The following GPC5 variants were observed in gnomAD, a reference collection of about 807,000 sequenced individuals.
The protein encoded by GPC5 is glypican 5.
Under a neutral mutation model 53.9 loss-of-function variants are expected in GPC5, and 47 were observed. The observed-to-expected ratio is 0.87, with a 90% CI of 0.69 to 1.11. The LOEUF (loss-of-function observed/expected upper bound fraction) is 1.11, where lower values mean the gene tolerates loss of function less well. Ranked by LOEUF, GPC5 falls within the 50% of genes most tolerant of loss-of-function variation. GPC5 has a pLI of 0.00. For missense variants in GPC5, 748 were observed against 713.1 expected, an observed-to-expected ratio of 1.05 and a Z score of -0.56; for synonymous variants, 286 against 263.3, an observed-to-expected ratio of 1.09 and a Z score of -0.84.
intron 7 of GPC5, among the ~76,000 whole-genome samples, chr13:92,298,515 C>T (rs1260944537): frequency 6.6e-6 from 1 of 152,202 alleles, no homozygotes; most frequent in Admixed American, 6.5e-5. Flanking sequence ...CTTCCTCTAC[C>T]CCTGTGTTTG....
chr13:92,136,494 T>C (rs1350822387), intron 6 of GPC5, among the ~76,000 whole-genome samples: 1 of 152,206 alleles, frequency 6.6e-6, no homozygotes, highest in African/African-American at 2.4e-5. Context: ...CACCTACCTA[T>C]ACTCATTATA....
chr13:91,917,414 G>A (rs746054576), intron 6 of GPC5, among the ~76,000 whole-genome samples: 12 of 152,228 alleles, frequency 7.9e-5, no homozygotes, highest in South Asian at 4.1e-4. Context: ...AGCTGCTTTC[G>A]TGGGCTGGCA....
At chr13:92,500,162 C>T (rs544910259) in intron 7 of GPC5, among the ~76,000 whole-genome samples, 1 of 152,216 alleles carries the variant, frequency 6.6e-6, no homozygotes, top group South Asian at 2.1e-4. Flanking sequence ...GGCTTGAGAA[C>T]TGAGAAAATG....
chr13:91,865,728 C>T (rs1304770296), intron 5 of GPC5, among the ~76,000 whole-genome samples: 1 of 151,856 alleles, frequency 6.6e-6, no homozygotes, highest in Non-Finnish European at 1.5e-5. Context: ...CTTATTCTCT[C>T]TCCTCATTTC....
intron 7 of GPC5, among the ~76,000 whole-genome samples, chr13:92,660,401 A>C (rs1886294608): frequency 6.6e-6 from 1 of 152,044 alleles, no homozygotes. Flanking sequence ...TCTAGAATAA[A>C]CAGCAAGAGG....
In GPC5 at chr13:91,766,715, C is replaced by T. The variant is rs149404141; in HGVS notation, c.1280+10295C>T. ...GTCTCTACTAAAAATACAAAATTAA[C>T]TGTGTGTGGTGGCACATGCCTGTAA... On this transcript the variant is annotated intron_variant, in intron 5 of 7. Transcript: ENST00000377067. 3.9e-3 allele frequency among the ~76,000 whole-genome samples: 596 copies of T among 152,188 alleles called. 6 individuals are homozygous for T. Among genetic ancestry groups the T allele is most frequent in the African/African-American group, 0.014 (568 of 41,528 alleles).
chr13:91,964,398 A>T (rs954932482), intron 6 of GPC5, among the ~76,000 whole-genome samples: 3 of 152,134 alleles, frequency 2.0e-5, no homozygotes, highest in Admixed American at 2.0e-4. Context: ...TTGGTCCATT[A>T]TACAGAGTGC....
rs966611056 is a variant in GPC5 at position 91,820,928 on chromosome 13, A to C, written c.1280+64508A>C. Among the ~76,000 whole-genome samples the C allele has an allele frequency of 4.1e-4, 62 of 151,998 alleles. No individual in the cohort carries two copies. The South Asian group carries it at 5.8e-3, about 14-fold the overall frequency. On this transcript the variant is annotated intron_variant, in intron 5 of 7. Coordinates refer to ENST00000377067, the MANE Select transcript of GPC5 (RefSeq NM_004466.6). ...CAGTGAGCTGAGATCGTGCCACTGC[A>C]CTCCAGCCTGGGTGACAGAGCGAGA...
intron 7 of GPC5, among the ~76,000 whole-genome samples, chr13:92,613,406 A>ATATAAATATATATAT (rs1566320427): frequency 1.6e-5 from 1 of 62,766 alleles, no homozygotes; most frequent in African/African-American, 6.1e-5. Context: ...TATATATTAT[A>ATATAAATATATATAT]TTATATATAA....
intron 5 of GPC5, among the ~76,000 whole-genome samples, chr13:91,806,021 ATTTTTTTTTTTTTTTTTT>A (rs71113764): frequency 2.1e-5 from 1 of 48,610 alleles, no homozygotes; most frequent in South Asian, 1.3e-3. Context: ...AAATACAATA[ATTTTTTTTTTTTTTTTTT>A]TTTTTTTTTT....
At chr13:91,613,690 T>G (rs768485519) in intron 2 of GPC5, among the ~76,000 whole-genome samples, 3 of 152,184 alleles carry the variant, frequency 2.0e-5, no homozygotes, top group Non-Finnish European at 4.4e-5. Context: ...AAAATCAACT[T>G]CGGTATATTG....
intron 7 of GPC5, among the ~76,000 whole-genome samples, chr13:92,684,285 T>C (rs1259362439): frequency 3.3e-5 from 5 of 152,074 alleles, no homozygotes; most frequent in Non-Finnish European, 7.4e-5. Flanking sequence ...TTGTTTTTGT[T>C]TTTGAGACGG....
chr13:91,939,000 C>G (rs1278794370), intron 6 of GPC5, among the ~76,000 whole-genome samples: 1 of 151,920 alleles, frequency 6.6e-6, no homozygotes, highest in Non-Finnish European at 1.5e-5. Context: ...TTTTAAATGA[C>G]TACTGTCATT....
chr13:92,590,260 T>C (rs1344923123), intron 7 of GPC5, among the ~76,000 whole-genome samples: 5 of 151,750 alleles, frequency 3.3e-5, no homozygotes, highest in Non-Finnish European at 5.9e-5. Context: ...CATGGAAGCA[T>C]GCACTTAAGA....
At chr13:92,320,141 T>A (rs1594097905) in intron 7 of GPC5, among the ~76,000 whole-genome samples, 1 of 152,164 alleles carries the variant, frequency 6.6e-6, no homozygotes, top group Admixed American at 6.6e-5. Flanking sequence ...TACATTAGGA[T>A]TAAAAGTACT....
rs531913947 is a variant in GPC5 at position 91,576,474 on chromosome 13, A to G, written c.326-116713A>G. 3.9e-5 allele frequency among the ~76,000 whole-genome samples: 6 copies of G among 152,324 alleles called. No homozygotes were observed. The South Asian group carries it at 1.2e-3, about 32-fold the overall frequency. On this transcript the variant is annotated intron_variant, in intron 2 of 7. Transcript: ENST00000377067. ...ACAACTAAAACAACTTAAAGTAAGT[A>G]TATTGGGAAAAATATACATTGCATC...
chr13:92,312,717 A>G (rs1287727770), intron 7 of GPC5, among the ~76,000 whole-genome samples: 1 of 152,158 alleles, frequency 6.6e-6, no homozygotes, highest in Non-Finnish European at 1.5e-5. Context: ...AAATTAGAAA[A>G]AAAGAATTGT....
intron 7 of GPC5, among the ~76,000 whole-genome samples, chr13:92,695,802 T>A (rs991844399): frequency 6.6e-6 from 1 of 152,052 alleles, no homozygotes; most frequent in Non-Finnish European, 1.5e-5. Flanking sequence ...GTGGCACCTA[T>A]CAACCCATCA....
At position 91,693,806 on chromosome 13, in the gene GPC5, G is replaced by A. The variant is rs1319050536; in HGVS notation, c.945G>A (p.Val315=). The change falls in exon 3 of 8, where the codon GTG becomes GTA. Residue 315 remains valine, a synonymous_variant. Transcript: ENST00000377067. The stretch of plus-strand genomic sequence containing the variant: ...ATGGAACATACGACATTGGACACGT[G>A]CTGCTGAACTTTCACTTGCTTGTTA... ...AMHGTYDIGH[V]LLNFHLLVND... is the part of the protein sequence containing the mutation. 2 of 1,613,610 alleles carry A rather than the reference G, an allele frequency of 1.2e-6. No homozygotes were observed. Among genetic ancestry groups the A allele is most frequent in the Admixed American group, 1.7e-5 (1 of 60,016 alleles).
Sources: allele counts gnomAD v4.1 joint callset (sites outside exome capture counted in the v4.1 genomes callset), GRCh38; gene constraint gnomAD v4.1.1; transcripts MANE v1.5; gene names NCBI Gene and HGNC (gene_info 2026-07-23, HGNC 2026-07-21).